Variants in EFL1 observed in about 807,000 individuals in gnomAD.
The protein encoded by EFL1 is elongation factor-like GTPase 1.
In EFL1, 76 loss-of-function variants were observed where a neutral mutation model predicts 126.7. That is an observed-to-expected ratio of 0.60 (90% CI 0.50 to 0.73). EFL1 has a LOEUF of 0.73. Among genes scored for constraint, EFL1 ranks in the 30% least tolerant of loss-of-function variants. The pLI is 0.00. For synonymous variants in EFL1, 410 were observed against 448.4 expected, an observed-to-expected ratio of 0.91 and a Z score of 1.08; for missense variants, 1,128 against 1,343.2, an observed-to-expected ratio of 0.84 and a Z score of 2.50.
intron 12 of EFL1, among the ~76,000 whole-genome samples, chr15:82,224,396 A>G (rs564829032): frequency 6.6e-6 from 1 of 152,356 alleles, no homozygotes; most frequent in African/African-American, 2.4e-5. Flanking sequence ...ACAACTAATT[A>G]TATTAAAACT....
At chr15:82,137,967 T>A (rs532455642) in intron 19 of EFL1, among the ~76,000 whole-genome samples, 1 of 152,316 alleles carries the variant, frequency 6.6e-6, no homozygotes, top group East Asian at 1.9e-4. Flanking sequence ...TTATTCTTTT[T>A]TCTCTAACTT....
intron 18 of EFL1, among the ~76,000 whole-genome samples, chr15:82,144,261 C>CA (rs11378860): frequency 0.78 from 111,765 of 143,894 alleles, 43,079 homozygotes; most frequent in African/African-American, 0.84. Flanking sequence ...GTCTCCAAAA[C>CA]AAAAAAAAAA....
At chr15:82,187,243 A>C (rs2074313542) in intron 15 of EFL1, among the ~76,000 whole-genome samples, 2 of 152,188 alleles carry the variant, frequency 1.3e-5, no homozygotes, top group African/African-American at 4.8e-5. Context: ...CTTCAGTTTC[A>C]CTTCTTTCTA....
chr15:82,232,779 T>C (rs924334198), intron 7 of EFL1, among the ~76,000 whole-genome samples: 2 of 152,166 alleles, frequency 1.3e-5, no homozygotes, highest in African/African-American at 4.8e-5. Flanking sequence ...TTTATTTTTT[T>C]AATAAAATTT....
chr15:82,171,873 T>TTA (rs908328206), intron 15 of EFL1, among the ~76,000 whole-genome samples: 1 of 151,108 alleles, frequency 6.6e-6, no homozygotes, highest in African/African-American at 2.4e-5. Flanking sequence ...AAGTTAAAAT[T>TTA]TATATATACA....
chr15:82,199,822 A>T (rs1474215133), intron 15 of EFL1, among the ~76,000 whole-genome samples: 2 of 152,252 alleles, frequency 1.3e-5, no homozygotes, highest in Non-Finnish European at 2.9e-5. Flanking sequence ...TACTTCTGTA[A>T]ATAAGATGTC....
chr15:82,224,615 T>C (rs983073862), intron 12 of EFL1, among the ~76,000 whole-genome samples: 11 of 152,108 alleles, frequency 7.2e-5, no homozygotes, highest in African/African-American at 2.2e-4. Flanking sequence ...GCTGCAACAA[T>C]ATCCACAAGA....
intron 15 of EFL1, among the ~76,000 whole-genome samples, chr15:82,200,551 T>C (rs1304309613): frequency 6.7e-6 from 1 of 150,158 alleles, no homozygotes; most frequent in Non-Finnish European, 1.5e-5. Context: ...ACTCAGAATA[T>C]TTCTGCTTCT....
intron 18 of EFL1, among the ~76,000 whole-genome samples, chr15:82,150,098 A>T (rs538438784): frequency 6.6e-6 from 1 of 152,356 alleles, no homozygotes; most frequent in South Asian, 2.1e-4. Flanking sequence ...TATTCAAATA[A>T]GGTTGAAAAG....
At chr15:82,228,422 GT>G (rs2074787125) in intron 9 of EFL1, 95 bp from the exon 10 acceptor site, 2 of 1,438,838 alleles carry the variant, frequency 1.4e-6, no homozygotes, top group African/African-American at 2.9e-5. Flanking sequence ...TTACCCTAAT[GT>G]GTTACTTTTT....
rs201881506 is a variant in EFL1 at position 82,254,941 on chromosome 15, CA to C, written c.160-2167del. Among the ~76,000 whole-genome samples, 1,049 of 152,242 alleles carry C rather than the reference CA, an allele frequency of 6.9e-3. 9 individuals are homozygous for C. The highest frequency in any genetic ancestry group is 8.2e-3 in the Non-Finnish European group (556 of 68,014). On this transcript the variant is annotated intron_variant, in intron 3 of 19. Coordinates refer to ENST00000268206, the MANE Select transcript of EFL1 (RefSeq NM_024580.6). ...GTCTAGAGAATGAGATGTAGACCTT[CA>C]ACTGGTGGGTACTGATGGACATGGA...
Position 82,225,258 on chromosome 15 carries a change from A to G in EFL1, c.1199T>C (p.Met400Thr). 1 of 1,598,904 alleles carries G rather than the reference A, an allele frequency of 6.3e-7. No homozygotes were observed. Among genetic ancestry groups the G allele is most frequent in the Non-Finnish European group, 8.5e-7 (1 of 1,174,912 alleles). Residue 400 changes from methionine to threonine, a missense_variant, in exon 12 of 20, where the codon ATG (methionine) becomes ACG (threonine). By Grantham distance (81) the Met-to-Thr change is moderately conservative (BLOSUM62 -1). Coordinates refer to ENST00000268206, the MANE Select transcript of EFL1 (RefSeq NM_024580.6). The stretch of plus-strand genomic sequence containing the variant: ...AGCAGTGTCCTCACTTCCACATTTC[A>G]TAAAAGCTAAACAAATAGGAAGTAA... ...PETQALKAAF[M>T]KCGSEDTAPV...
intron 5 of EFL1, 51 bp downstream of exon 5, chr15:82,241,219 C>A (rs1452986229): frequency 1.2e-6 from 2 of 1,604,282 alleles, no homozygotes. Flanking sequence ...TCAGTTCCCC[C>A]TCTTTCCTCA....
chr15:82,155,268 G>A (rs374671395), intron 17 of EFL1, among the ~76,000 whole-genome samples: 29 of 152,232 alleles, frequency 1.9e-4, no homozygotes, highest in African/African-American at 6.0e-4. Flanking sequence ...TTGGGAGGCC[G>A]AGGAGGTTGG....
intron 6 of EFL1, among the ~76,000 whole-genome samples, chr15:82,239,421 C>T (rs1220085153): frequency 6.6e-6 from 1 of 152,218 alleles, no homozygotes; most frequent in African/African-American, 2.4e-5. Context: ...CAGGTGTAAG[C>T]CAGCTCGCCC....
At chr15:82,261,286 T>G (rs1429481746) in intron 2 of EFL1, among the ~76,000 whole-genome samples, 1 of 152,166 alleles carries the variant, frequency 6.6e-6, no homozygotes, top group Non-Finnish European at 1.5e-5. Context: ...CTCATAAATC[T>G]CCACCTTCAG....
chr15:82,251,217 A>G (rs1411893172), intron 4 of EFL1, among the ~76,000 whole-genome samples: 1 of 152,202 alleles, frequency 6.6e-6, no homozygotes, highest in East Asian at 1.9e-4. Context: ...GTCTCAAAAA[A>G]TAAAAAAGAA....
At chr15:82,159,186 T>C (rs2073997495) in intron 16 of EFL1, among the ~76,000 whole-genome samples, 2 of 152,176 alleles carry the variant, frequency 1.3e-5, no homozygotes, top group Admixed American at 1.3e-4. Flanking sequence ...GATTTTCAGA[T>C]ATTATCTAGT....
At chr15:82,203,121 C>G (rs1459238770) in intron 15 of EFL1, among the ~76,000 whole-genome samples, 1 of 151,868 alleles carries the variant, frequency 6.6e-6, no homozygotes, top group Non-Finnish European at 1.5e-5. Flanking sequence ...TGTTCCCTAA[C>G]TTTTTGAAGA....
Sources: gnomAD v4.1 joint callset for allele counts (sites outside exome capture counted in the v4.1 genomes callset) on GRCh38, gnomAD v4.1.1 for gene constraint, MANE v1.5 for transcripts, NCBI Gene and HGNC (gene_info 2026-07-23, HGNC 2026-07-21) for gene names.